CENPI: variants seen among roughly 807,000 people sequenced by gnomAD.
CENPI encodes the protein centromere protein I, also known as FSH primary response 1.
In CENPI, 4 loss-of-function variants were observed where a neutral mutation model predicts 60.4. The ratio of observed to expected loss-of-function variants is 0.07; its 90% CI spans 0.03 to 0.15. CENPI has a LOEUF of 0.15. CENPI is among the 10% of genes least tolerant of loss of function. The pLI is 1.00. For synonymous variants in CENPI, 157 were observed against 189.4 expected, an observed-to-expected ratio of 0.83 and a Z score of 1.40; for missense variants, 444 against 534.5, an observed-to-expected ratio of 0.83 and a Z score of 1.67.
intron 12 of CENPI, among the ~76,000 whole-genome samples, chrX:101,129,528 G>A (rs1487718407): frequency 1.1e-5 from 1 of 92,027 alleles, no homozygotes; most frequent in Non-Finnish European, 2.1e-5. Flanking sequence ...TTGGTTCCAG[G>A]CCAATTCTTC....
In CENPI at chrX:101,128,851, A is replaced by C. The variant is rs7884828; in HGVS notation, c.1195+15A>C. Reference sequence around the variant, plus strand: ...ATTACAAGAAGGTAAGAATTGAGTGAGGATGGACCAAGATAGTTAACAAAT... The same window carrying C: ...ATTACAAGAAGGTAAGAATTGAGTGCGGATGGACCAAGATAGTTAACAAAT... On this transcript the variant is annotated intron_variant, in intron 12 of 21. Coordinates refer to ENST00000682095, the MANE Select transcript of CENPI (RefSeq NM_001386188.2). The C allele has an allele frequency of 0.14, 165,631 of 1,201,064 alleles. 7,979 individuals carry two copies. Among genetic ancestry groups the C allele is most frequent in the Middle Eastern group, 0.22 (968 of 4,306 alleles).
intron 20 of CENPI, among the ~76,000 whole-genome samples, chrX:101,152,964 T>TTA (rs2090021339): frequency 9.2e-6 from 1 of 108,900 alleles, no homozygotes; most frequent in Non-Finnish European, 1.9e-5. Context: ...AGAGTGGGAA[T>TTA]ACTAGATCAT....
At chrX:101,136,478 A>T (rs189866493) in intron 15 of CENPI, among the ~76,000 whole-genome samples, 1 of 112,140 alleles carries the variant, frequency 8.9e-6, no homozygotes, top group East Asian at 2.8e-4. Context: ...AATTAGCTAA[A>T]CGTTAGTTTC....
At chrX:101,162,792 A>G (rs201582846) in intron 21 of CENPI, 41 bp from the exon 22 acceptor site, 37 of 1,192,122 alleles carry the variant, frequency 3.1e-5, no homozygotes, top group Admixed American at 1.3e-4. Context: ...AAAGCATAGT[A>G]AAATATTCGA....
At chrX:101,110,019 A>G (rs764129677) in intron 6 of CENPI, 21 bp downstream of exon 6, 3 of 960,950 alleles carry the variant, frequency 3.1e-6, no homozygotes, top group Non-Finnish European at 4.5e-6. Flanking sequence ...ATTGGACAGC[A>G]TTAGGCATCA....
At chrX:101,178,403 T>C in the CENPI span, among the ~76,000 whole-genome samples, 2,179 of 70,134 alleles carry the variant, frequency 0.031, 129 homozygotes, top group African/African-American at 0.12. Flanking sequence ...TTCTTCTTTT[T>C]TTTTTTTTTT....
At chrX:101,124,271 T>C (rs997166621) in intron 8 of CENPI, among the ~76,000 whole-genome samples, 2 of 110,874 alleles carry the variant, frequency 1.8e-5, no homozygotes, top group Non-Finnish European at 3.8e-5. Context: ...GGCAGTCTAC[T>C]ATAGAACCAG....
At chrX:101,160,507 A>G (rs1331012992) in intron 20 of CENPI, among the ~76,000 whole-genome samples, 1 of 108,178 alleles carries the variant, frequency 9.2e-6, no homozygotes, top group Non-Finnish European at 1.9e-5. Context: ...CAGCCTCCCA[A>G]GTAGCTGGGA....
At chrX:101,146,687 TCTC>T (rs1318175981) in intron 18 of CENPI, among the ~76,000 whole-genome samples, 1 of 111,701 alleles carries the variant, frequency 9.0e-6, no homozygotes, top group African/African-American at 3.3e-5. Context: ...TTATTTCTGG[TCTC>T]CTCTAATTCT....
At position 101,164,169 on chromosome X, in the gene CENPI, A is replaced by G. The variant is rs1291963904; in HGVS notation, c.*1202A>G. ...TTTTTTTTCCCCATTTAAAAAACAAACCCTAAACTATATTATTGGATGGCG... is the reference window on the plus strand; with the variant it reads ...TTTTTTTTCCCCATTTAAAAAACAAGCCCTAAACTATATTATTGGATGGCG... On this transcript the variant is annotated 3_prime_UTR_variant, in exon 22 of 22. Transcript: ENST00000682095. Among the ~76,000 whole-genome samples, 1 of 110,927 alleles carries G rather than the reference A, an allele frequency of 9.0e-6. No individual in the cohort carries two copies. The highest frequency in any genetic ancestry group is 1.9e-5 in the Non-Finnish European group (1 of 52,937).
At chrX:101,110,607 CT>C (rs1471698739) in intron 6 of CENPI, among the ~76,000 whole-genome samples, 1 of 112,068 alleles carries the variant, frequency 8.9e-6, no homozygotes. Context: ...TTGCTCTTGC[CT>C]TTGGGAAGGG....
chrX:101,166,389 C>T (rs1052516946), downstream of CENPI, among the ~76,000 whole-genome samples: 4 of 112,415 alleles, frequency 3.6e-5, no homozygotes, highest in South Asian at 3.7e-4. Flanking sequence ...CTCTTGACCT[C>T]GGGATCCACC....
chrX:101,123,475 G>C (rs976010199), intron 8 of CENPI, among the ~76,000 whole-genome samples: 7 of 112,065 alleles, frequency 6.2e-5, no homozygotes, highest in African/African-American at 2.3e-4. Flanking sequence ...ATGAGCCTGT[G>C]TGTATGCACT....
chrX:101,132,545 G>A (rs2089805561), intron 15 of CENPI, 89 bp downstream of exon 15: 2 of 788,441 alleles, frequency 2.5e-6, no homozygotes, highest in Admixed American at 3.0e-5. Flanking sequence ...TACAGCAATG[G>A]TTTTATAACA....
downstream of CENPI, among the ~76,000 whole-genome samples, chrX:101,166,967 C>T (rs772943393): frequency 3.2e-4 from 36 of 112,353 alleles, no homozygotes; most frequent in Non-Finnish European, 6.4e-4. Flanking sequence ...ACCATGTTGG[C>T]CAGGATGGTC....
rs761390843 is a variant in CENPI at position 101,126,774 on chromosome X, A to G, written c.753A>G (p.Ser251=). ...LYKFFAPALI[S]VSLPVRKKIY... ...AGTTCTTTGCTCCTGCTCTGATTTCAGTATCTTTGCCTGTAAGGAAGAAGG... is the reference window on the plus strand; with the variant it reads ...AGTTCTTTGCTCCTGCTCTGATTTCGGTATCTTTGCCTGTAAGGAAGAAGG... The change falls in exon 9 of 22, where the codon TCA becomes TCG. Residue 251 remains serine (S), a synonymous_variant. Coordinates refer to ENST00000682095, the MANE Select transcript of CENPI (RefSeq NM_001386188.2). 5 of 1,202,127 alleles carry G rather than the reference A, an allele frequency of 4.2e-6. No individual in the cohort carries two copies. The highest frequency in any genetic ancestry group is 5.6e-6 in the Non-Finnish European group (5 of 886,778).
chrX:101,155,616 T>C (rs2090045675), intron 20 of CENPI, among the ~76,000 whole-genome samples: 1 of 112,443 alleles, frequency 8.9e-6, no homozygotes, highest in African/African-American at 3.2e-5. Flanking sequence ...GAGGTTCATA[T>C]GTTTAACCAA....
intron 6 of CENPI, among the ~76,000 whole-genome samples, chrX:101,115,399 T>C (rs2089611128): frequency 9.1e-6 from 1 of 110,176 alleles, no homozygotes; most frequent in Non-Finnish European, 1.9e-5. Context: ...CGAGCGAGAC[T>C]CTGTCTCAAA....
At chrX:101,177,726 G>T in the CENPI span, among the ~76,000 whole-genome samples, 7 of 112,259 alleles carry the variant, frequency 6.2e-5, no homozygotes, top group African/African-American at 2.3e-4. Context: ...AAGGGAGTTT[G>T]TCCTCAGGCC....
Sources: gnomAD v4.1 joint callset for allele counts (sites outside exome capture counted in the v4.1 genomes callset) on GRCh38, gnomAD v4.1.1 for gene constraint, MANE v1.5 for transcripts, NCBI Gene and HGNC (gene_info 2026-07-23, HGNC 2026-07-21) for gene names.